OTC: variants seen among roughly 807,000 people sequenced by gnomAD.
OTC encodes ornithine transcarbamylase.
Under a neutral mutation model 30.3 loss-of-function variants are expected in OTC, and 3 were observed. The observed-to-expected ratio is 0.10, with a 90% confidence interval of 0.05 to 0.26. The LOEUF (loss-of-function observed/expected upper bound fraction) is 0.26, where lower values mean the gene tolerates loss of function less well. OTC is among the 10% of genes least tolerant of loss of function. The pLI is 1.00. For synonymous variants in OTC, 111 were observed against 99.7 expected (o/e 1.11, Z -0.67); for missense variants, 194 against 260.3 (o/e 0.75, Z 1.75).
intron 4 of OTC, among the ~76,000 whole-genome samples, chrX:38,383,093 T>A (rs762617481): frequency 8.5e-4 from 90 of 106,302 alleles, no homozygotes; most frequent in Admixed American, 1.6e-3. Flanking sequence ...TGCTTACAGT[T>A]TTTTTTTTTT....
Position 38,401,380 on chromosome X carries a change from A to T in OTC, c.492A>T (p.Ser164=), listed in dbSNP as rs1478291514. ...CCATCCCAATTATCAATGGGCTGTC[A>T]GATTTGTACCATCCTATCCAGATCC... The part of the protein sequence containing the change: ...EASIPIINGL[S]DLYHPIQILA... Residue 164 remains serine (S), a synonymous_variant, in exon 5 of 10, where the codon TCA becomes TCT. Coordinates refer to ENST00000039007, the MANE Select transcript of OTC (RefSeq NM_000531.6). The T allele has an allele frequency of 8.3e-7, 1 of 1,204,957 alleles. No individual in the cohort carries two copies. Among genetic ancestry groups the T allele is most frequent in the South Asian group, 1.8e-5 (1 of 56,823 alleles).
At chrX:38,344,163 A>G in the OTC span, among the ~76,000 whole-genome samples, 1 of 109,740 alleles carries the variant, frequency 9.1e-6, no homozygotes, top group African/African-American at 3.3e-5. Flanking sequence ...CAAACAAACA[A>G]AAAACATAAA....
intron 1 of OTC, among the ~76,000 whole-genome samples, chrX:38,365,309 G>T (rs1026900205): frequency 1.7e-4 from 19 of 113,035 alleles, no homozygotes; most frequent in Non-Finnish European, 3.2e-4. Context: ...AATGATGAGA[G>T]AAAGATGATG....
chrX:38,422,085 G>GT (rs753920343), downstream of OTC, among the ~76,000 whole-genome samples: 11 of 111,880 alleles, frequency 9.8e-5, no homozygotes, highest in Non-Finnish European at 1.7e-4. Flanking sequence ...CATAAGTGAA[G>GT]TTTTTTTAAA....
chrX:38,389,388 A>G (rs1300615692), intron 4 of OTC, among the ~76,000 whole-genome samples: 3 of 57,783 alleles, frequency 5.2e-5, no homozygotes, highest in Non-Finnish European at 9.8e-5. Context: ...TTGTCATATT[A>G]AAAGGAATAT....
At chrX:38,343,483 C>T in the OTC span, among the ~76,000 whole-genome samples, 1 of 112,265 alleles carries the variant, frequency 8.9e-6, no homozygotes, top group Non-Finnish European at 1.9e-5. Context: ...AAGAGAACCT[C>T]GTGCTTTGCA....
intron 9 of OTC, among the ~76,000 whole-genome samples, chrX:38,414,322 C>T (rs569301884): frequency 1.6e-3 from 179 of 112,006 alleles, no homozygotes; most frequent in African/African-American, 5.6e-3. Flanking sequence ...AAATTAAATA[C>T]GTAATGTATT....
At chrX:38,394,363 A>T (rs1420747492) in intron 4 of OTC, among the ~76,000 whole-genome samples, 1 of 112,032 alleles carries the variant, frequency 8.9e-6, no homozygotes, top group East Asian at 2.8e-4. Context: ...TTGTTGGGGA[A>T]ATTTAGGTAT....
chrX:38,415,165 G>A (rs2068564170), intron 9 of OTC, among the ~76,000 whole-genome samples: 1 of 109,762 alleles, frequency 9.1e-6, no homozygotes, highest in South Asian at 4.0e-4. Flanking sequence ...TGCAACCTCC[G>A]CCTCCTGGGT....
intron 6 of OTC, among the ~76,000 whole-genome samples, chrX:38,408,098 G>A (rs1423515872): frequency 8.9e-6 from 1 of 112,403 alleles, no homozygotes; most frequent in Non-Finnish European, 1.9e-5. Context: ...CCTCTCCAGA[G>A]TCTGACTCTG....
chrX:38,412,417 C>T (rs2068548531), intron 9 of OTC, among the ~76,000 whole-genome samples: 1 of 112,003 alleles, frequency 8.9e-6, no homozygotes, highest in Admixed American at 9.5e-5. Context: ...CCATGCCTTA[C>T]TTTATGACTG....
Position 38,368,471 on chromosome X carries a change from G to A in OTC, c.216+1042G>A, listed in dbSNP as rs182178104. 5.1e-4 allele frequency among the ~76,000 whole-genome samples: 56 copies of A among 110,750 alleles called. 1 individual carries two copies. The highest frequency in any genetic ancestry group is 1.4e-3 in the African/African-American group (42 of 30,419). On this transcript the variant is annotated intron_variant, in intron 2 of 9. Transcript: ENST00000039007. Reference sequence around the variant, plus strand: ...AAAAAATTCACAATGATGTGACAGCGTTTTAAAAAGCATTTAGATTAGCAA... The same window carrying A: ...AAAAAATTCACAATGATGTGACAGCATTTTAAAAAGCATTTAGATTAGCAA...
intron 6 of OTC, among the ~76,000 whole-genome samples, chrX:38,404,310 A>G (rs1461789303): frequency 8.9e-6 from 1 of 112,073 alleles, no homozygotes; most frequent in Non-Finnish European, 1.9e-5. Context: ...CACAGCATGT[A>G]TGGAATACAT....
Position 38,406,091 on chromosome X carries a change from C to T in OTC, c.663+2351C>T, listed in dbSNP as rs1441336754. ...AAACTCATTTAAATGATAAAGAGTA[C>T]TAAAACCTGGTTAAACCTTGGTGGG... On this transcript the variant is annotated intron_variant, in intron 6 of 9. Transcript: ENST00000039007. 7.1e-5 allele frequency among the ~76,000 whole-genome samples: 8 copies of T among 111,942 alleles called. No homozygotes were observed. The Admixed American group carries it at 7.6e-4, about 11-fold the overall frequency.
Position 38,409,033 on chromosome X carries a change from T to TTGA in OTC, c.867+11_867+13dup. Reference sequence around the variant, plus strand: ...TACCAGGTTACAATGAAGGTACAAATTGATGCCTCTCTGAAGGTTCATTAA... The same window carrying TTGA: ...TACCAGGTTACAATGAAGGTACAAATTGATGATGCCTCTCTGAAGGTTCATTAA... On this transcript the variant is annotated intron_variant, in intron 8 of 9. Transcript: ENST00000039007. The TTGA allele has an allele frequency of 8.3e-7, 1 of 1,208,990 alleles. No homozygotes were observed. The highest frequency in any genetic ancestry group is 1.1e-6 in the Non-Finnish European group (1 of 893,123).
chrX:38,379,787 G>A (rs900234085), intron 3 of OTC, among the ~76,000 whole-genome samples: 8 of 110,153 alleles, frequency 7.3e-5, no homozygotes, highest in Non-Finnish European at 1.5e-4. Context: ...CCACCACCAC[G>A]CCTGGCTAAT....
chrX:38,388,545 A>G (rs2068415477), intron 4 of OTC, among the ~76,000 whole-genome samples: 1 of 110,433 alleles, frequency 9.1e-6, no homozygotes, highest in African/African-American at 3.3e-5. Context: ...TTTAAATCAT[A>G]TGGAATTTAG....
intron 4 of OTC, 36 bp from the exon 5 acceptor site, chrX:38,401,239 A>G (rs747580006): frequency 2.8e-6 from 3 of 1,090,527 alleles, no homozygotes; most frequent in Non-Finnish European, 3.8e-6. Flanking sequence ...ATTAAGCATA[A>G]TTATCTTAGA....
the OTC span, among the ~76,000 whole-genome samples, chrX:38,331,942 C>T: frequency 9.0e-5 from 10 of 110,833 alleles, no homozygotes; most frequent in African/African-American, 2.6e-4. Context: ...CCCCAGGCCA[C>T]GAATTTGTAC....
Sources: gnomAD v4.1 joint callset for allele counts (sites outside exome capture counted in the v4.1 genomes callset) on GRCh38, gnomAD v4.1.1 for gene constraint, MANE v1.5 for transcripts, NCBI Gene and HGNC (gene_info 2026-07-23, HGNC 2026-07-21) for gene names.